Variants in IL6ST observed in about 807,000 individuals in gnomAD.
IL6ST encodes interleukin-6 receptor subunit beta.
A neutral mutation model predicts 91.3 loss-of-function variants in IL6ST; 24 were observed. The observed-to-expected ratio is 0.26, with a 90% CI of 0.19 to 0.37. IL6ST has a LOEUF of 0.37. Among genes scored for constraint, IL6ST ranks in the 10% least tolerant of loss-of-function variants. The pLI, the probability that IL6ST is intolerant of heterozygous loss-of-function variation, is 1.00. For synonymous variants in IL6ST, 351 were observed against 373.6 expected (o/e 0.94, Z 0.70); for missense variants, 914 against 1,078.5 (o/e 0.85, Z 2.14).
chr5:55,979,345 G>GT (rs996986484), intron 2 of IL6ST, among the ~76,000 whole-genome samples: 1 of 152,176 alleles, frequency 6.6e-6, no homozygotes, highest in African/African-American at 2.4e-5. Flanking sequence ...CAGAGCAGTT[G>GT]TTTTTTGTGA....
chr5:55,976,686 C>G (rs1443739834), intron 2 of IL6ST, among the ~76,000 whole-genome samples: 1 of 151,968 alleles, frequency 6.6e-6, no homozygotes, highest in Non-Finnish European at 1.5e-5. Context: ...ATAGCATGGC[C>G]AAAAATTTTC....
chr5:55,971,400 C>G (rs968186776), intron 3 of IL6ST, among the ~76,000 whole-genome samples: 9 of 152,202 alleles, frequency 5.9e-5, no homozygotes, highest in African/African-American at 2.2e-4. Context: ...ATCTTACATA[C>G]TACTGTCAGT....
chr5:55,957,177 A>T (rs1448311523), intron 9 of IL6ST, 32 bp downstream of exon 9: 1 of 1,081,396 alleles, frequency 9.2e-7, no homozygotes, highest in Non-Finnish European at 1.4e-6. Flanking sequence ...AAAAAGATTT[A>T]TAAGAGATAA....
intron 3 of IL6ST, among the ~76,000 whole-genome samples, chr5:55,971,479 A>T (rs1752960529): frequency 6.6e-6 from 1 of 152,206 alleles, no homozygotes; most frequent in African/African-American, 2.4e-5. Flanking sequence ...TACCAAGATA[A>T]AAGTCCCAAC....
chr5:55,985,912 A>G (rs770892862), intron 1 of IL6ST, among the ~76,000 whole-genome samples: 2 of 152,216 alleles, frequency 1.3e-5, no homozygotes, highest in African/African-American at 2.4e-5. Flanking sequence ...GAAAATACAT[A>G]AACAAACAGG....
intron 14 of IL6ST, chr5:55,948,752 C>T (rs1470593239): frequency 1.3e-5 from 2 of 152,118 alleles, no homozygotes; most frequent in East Asian, 3.8e-4. Context: ...CCACCTTCTT[C>T]CTATTTGTCC....
At position 55,938,764 on chromosome 5, in the gene IL6ST, TTTA is replaced by T. The variant is rs1270450509; in HGVS notation, c.*2315_*2317del. 5.0e-6 allele frequency: 1 copy of T among 201,520 alleles called. No individual in the cohort carries two copies. The allele number at this position is 201,520 out of a possible 1,614,324, so 12.5% of individuals were successfully genotyped here. ...ATTTTGAATGTAAAAAGTTTTATAA[TTTA>T]TTTTCTCCTTAGGGCAGGTGTACAT... is the stretch of plus-strand genomic sequence containing the variant. On this transcript the variant is annotated 3_prime_UTR_variant, in exon 17 of 17. Coordinates refer to ENST00000381298, the MANE Select transcript of IL6ST (RefSeq NM_002184.4).
intron 15 of IL6ST, among the ~76,000 whole-genome samples, chr5:55,944,986 G>A (rs1213705207): frequency 7.2e-6 from 1 of 139,708 alleles, no homozygotes; most frequent in Non-Finnish European, 1.5e-5. Flanking sequence ...GTGGCCGAGT[G>A]TAACAACCAT....
chr5:55,973,596 G>A (rs889574740), intron 3 of IL6ST, among the ~76,000 whole-genome samples: 1 of 152,220 alleles, frequency 6.6e-6, no homozygotes, highest in African/African-American at 2.4e-5. Context: ...GAAGGAGTCT[G>A]AAGATGACTC....
chr5:55,945,648 CTTTTTTTTTTTTTTTT>C (rs70995749), intron 15 of IL6ST, among the ~76,000 whole-genome samples: 2 of 41,680 alleles, frequency 4.8e-5, no homozygotes, highest in South Asian at 1.3e-3. Context: ...AAAACTTATG[CTTTTTTTTTTTTTTTT>C]TTTTTTTTTT....
chr5:55,991,968 C>T (rs558752739), intron 1 of IL6ST, among the ~76,000 whole-genome samples: 2 of 152,340 alleles, frequency 1.3e-5, no homozygotes, highest in East Asian at 3.9e-4. Flanking sequence ...TCACTCCCTA[C>T]TAACCATCCC....
chr5:55,984,483 C>T (rs1201661782), intron 1 of IL6ST, among the ~76,000 whole-genome samples: 2 of 152,180 alleles, frequency 1.3e-5, no homozygotes, highest in Non-Finnish European at 1.5e-5. Flanking sequence ...TGTGAATACA[C>T]AGGCAGAGAT....
chr5:55,956,248 A>C lies in IL6ST; in HGVS notation c.1057-13T>G. 1.4e-6 allele frequency: 2 copies of C among 1,443,960 alleles called. No individual in the cohort carries two copies. Among genetic ancestry groups the C allele is most frequent in the Non-Finnish European group, 1.9e-6 (2 of 1,037,944 alleles). The allele number at this position is 1,443,960 out of a possible 1,614,324, so 89.4% of individuals were successfully genotyped here. A position where few individuals can be genotyped will look rare whatever the true frequency, so the allele number is the denominator to read the frequency against. On this transcript the variant is annotated splice_polypyrimidine_tract_variant and intron_variant, in intron 9 of 16. Transcript: ENST00000381298. ...AAGGAGGCAATGTCTGTAATAAAAT[A>C]GTTTATTTTTAAAAATAATCTCATA...
chr5:55,963,236 A>G (rs1026149743), intron 7 of IL6ST, 116 bp downstream of exon 7: 1 of 726,728 alleles, frequency 1.4e-6, no homozygotes, highest in African/African-American at 1.8e-5. Flanking sequence ...AGAGGTTATC[A>G]AGCAAAATAT....
At chr5:55,969,933 A>G (rs1752866643) in intron 3 of IL6ST, 78 bp from the exon 4 acceptor site, 2 of 883,028 alleles carry the variant, frequency 2.3e-6, no homozygotes, top group East Asian at 2.4e-5. Flanking sequence ...GTAGCACTCA[A>G]TGTAGAGTCC....
In IL6ST at chr5:55,941,574, G is replaced by A. The variant is rs1340909641; in HGVS notation, c.2265C>T (p.Ser755=). 6.2e-7 allele frequency: 1 copy of A among 1,614,176 alleles called. No homozygotes were observed. The highest frequency in any genetic ancestry group is 2.2e-5 in the East Asian group (1 of 44,874). ...DENESSQNTS[S]TVQYSTVVHS... ...GTACCACGGTAGAATACTGGACAGT[G>A]CTCGAAGTGTTTTGTGAAGATTCAT... is the stretch of plus-strand genomic sequence containing the variant. The change falls in exon 17 of 17, where the codon AGC becomes AGT. Residue 755 remains serine (S), a synonymous_variant. Coordinates refer to ENST00000381298, the MANE Select transcript of IL6ST (RefSeq NM_002184.4).
At chr5:55,977,841 C>T (rs1418579372) in intron 2 of IL6ST, among the ~76,000 whole-genome samples, 1 of 151,840 alleles carries the variant, frequency 6.6e-6, no homozygotes, top group Non-Finnish European at 1.5e-5. Flanking sequence ...GACACACACA[C>T]ACACACACAC....
chr5:55,956,233 T>A lies in IL6ST; in HGVS notation c.1059A>T (p.Thr353=). 1 of 1,548,966 alleles carries A rather than the reference T, an allele frequency of 6.5e-7. No individual in the cohort carries two copies. Residue 353 remains threonine, a splice_region_variant and synonymous_variant, in exon 10 of 17, where the codon ACA becomes ACT. Coordinates refer to ENST00000381298, the MANE Select transcript of IL6ST (RefSeq NM_002184.4). ...GYRTVQLVWK[T]LPPFEANGKI... The stretch of plus-strand genomic sequence containing the variant: ...TTCCATTGGCTTCAAAAGGAGGCAA[T>A]GTCTGTAATAAAATAGTTTATTTTT...
rs1234363685 is a variant in IL6ST, at chr5:55,938,299, C to A, written c.*2783G>T. 1 of 191,342 alleles carries A rather than the reference C, an allele frequency of 5.2e-6. No individual in the cohort carries two copies. The highest frequency in any genetic ancestry group is 2.3e-5 in the African/African-American group (1 of 42,972). 11.9% of individuals were successfully genotyped at this position (191,342 alleles called of 1,614,324 possible). A position where few individuals can be genotyped will look rare whatever the true frequency, so the allele number is the denominator to read the frequency against. ...TTTGCTTTTTTTCCTTGCTGCTGTT[C>A]CCGAGTGCCGACTGATCCATAGTAA... On this transcript the variant is annotated 3_prime_UTR_variant, in exon 17 of 17. Coordinates refer to ENST00000381298, the MANE Select transcript of IL6ST (RefSeq NM_002184.4).
Sources: gnomAD v4.1 joint callset for allele counts (sites outside exome capture counted in the v4.1 genomes callset) on GRCh38, gnomAD v4.1.1 for gene constraint, MANE v1.5 for transcripts, NCBI Gene and HGNC (gene_info 2026-07-23, HGNC 2026-07-21) for gene names.